ZNF251: variants seen among roughly 807,000 people sequenced by gnomAD.
The protein encoded by ZNF251 is zinc finger protein 251.
Under a neutral mutation model 13.5 loss-of-function variants are expected in ZNF251, and 14 were observed. That is an observed-to-expected ratio of 1.04 (90% CI 0.69 to 1.63). The LOEUF is 1.63. Among genes scored for constraint, ZNF251 ranks in the 40% most tolerant of loss-of-function variants. The pLI is 0.00. For synonymous variants in ZNF251, 287 were observed against 295.2 expected, an observed-to-expected ratio of 0.97 and a Z score of 0.28; for missense variants, 764 against 834.9, an observed-to-expected ratio of 0.92 and a Z score of 1.05.
chr8:144,754,530 C>G, intron 2 of ZNF251, 166 bp downstream of exon 2: 3 of 1,449,708 alleles, frequency 2.1e-6, no homozygotes, highest in Non-Finnish European at 2.7e-6. Context: ...CAGAGCCCCT[C>G]TCCCTGCAGG....
intron 4 of ZNF251, among the ~76,000 whole-genome samples, chr8:144,727,799 A>C (rs1823560537): frequency 6.6e-6 from 1 of 152,096 alleles, no homozygotes; most frequent in Admixed American, 6.6e-5. Flanking sequence ...ATTTCCTTCA[A>C]GAACTTTACT....
At chr8:144,744,832 G>A (rs1410019411) in intron 4 of ZNF251, among the ~76,000 whole-genome samples, 3 of 152,306 alleles carry the variant, frequency 2.0e-5, no homozygotes, top group South Asian at 4.1e-4. Context: ...GAGGCGGGCG[G>A]ATCACCTGAG....
chr8:144,736,454 A>T (rs1165429310), intron 4 of ZNF251, among the ~76,000 whole-genome samples: 2 of 143,724 alleles, frequency 1.4e-5, no homozygotes, highest in Non-Finnish European at 3.0e-5. Flanking sequence ...ACCTTCCTTT[A>T]TTTTATTTAT....
In ZNF251 at chr8:144,721,771, G is replaced by A. The variant is rs1823377263; in HGVS notation, c.1889C>T (p.Ala630Val). The A allele has an allele frequency of 6.9e-7, 1 of 1,449,242 alleles. No individual in the cohort carries two copies. The allele number at this position is 1,449,242 out of a possible 1,614,324, so 89.8% of individuals were successfully genotyped here. ...KPCHCSVYGK[A>V]FSQSSQLTPP... ...TGTGAGCTGTGAACTCTGGCTGAAG[G>A]CTTTCCCATACACACTGCAATGACA... The change falls in exon 5 of 5, where the codon GCC becomes GTC. Residue 630 changes from alanine (A) to valine (V), a missense_variant. Physicochemically the swap from Ala to Val is moderately conservative, Grantham distance 64. Coordinates refer to ENST00000292562, the MANE Select transcript of ZNF251 (RefSeq NM_138367.2).
At chr8:144,750,141 T>A (rs1824626810) in intron 4 of ZNF251, among the ~76,000 whole-genome samples, 5 of 152,194 alleles carry the variant, frequency 3.3e-5, no homozygotes, top group Admixed American at 2.6e-4. Context: ...ACTCCAACAC[T>A]CCTGCCACGA....
intron 4 of ZNF251, among the ~76,000 whole-genome samples, chr8:144,742,671 C>T (rs962047330): frequency 2.0e-5 from 3 of 152,186 alleles, no homozygotes; most frequent in African/African-American, 4.8e-5. Context: ...CCTCTGGCTT[C>T]ACCCTGCTTC....
chr8:144,724,980 T>G (rs1323656825), intron 4 of ZNF251, among the ~76,000 whole-genome samples: 1 of 152,032 alleles, frequency 6.6e-6, no homozygotes, highest in Non-Finnish European at 1.5e-5. Context: ...ACTCAAACAA[T>G]TATGTATCCA....
chr8:144,739,653 C>T (rs1353892108), intron 4 of ZNF251, among the ~76,000 whole-genome samples: 1 of 152,226 alleles, frequency 6.6e-6, no homozygotes, highest in Admixed American at 6.5e-5. Context: ...AATCCCAGCA[C>T]TTTGGGAGGC....
chr8:144,724,942 T>C (rs1291548022), intron 4 of ZNF251, among the ~76,000 whole-genome samples: 1 of 152,146 alleles, frequency 6.6e-6, no homozygotes, highest in African/African-American at 2.4e-5. Flanking sequence ...TGAGGAAGGG[T>C]TTTAAATTAT....
intron 4 of ZNF251, among the ~76,000 whole-genome samples, chr8:144,724,346 T>A (rs905610440): frequency 1.3e-5 from 2 of 151,982 alleles, no homozygotes; most frequent in Admixed American, 6.6e-5. Flanking sequence ...ATGACCTTTT[T>A]TTGAGATAGT....
chr8:144,726,406 G>A (rs536242973), intron 4 of ZNF251, among the ~76,000 whole-genome samples: 36 of 150,862 alleles, frequency 2.4e-4, no homozygotes, highest in Admixed American at 4.0e-4. Context: ...GTGTGGTGGC[G>A]CATACCTGTA....
chr8:144,749,352 G>A (rs1166988792), intron 4 of ZNF251, among the ~76,000 whole-genome samples: 2 of 151,490 alleles, frequency 1.3e-5, no homozygotes, highest in African/African-American at 2.4e-5. Flanking sequence ...AGGTGTGGTA[G>A]TACATGCCTG....
intron 4 of ZNF251, among the ~76,000 whole-genome samples, chr8:144,731,750 C>T (rs1357223843): frequency 6.6e-6 from 1 of 151,952 alleles, no homozygotes; most frequent in Non-Finnish European, 1.5e-5. Context: ...CCACGCCCTG[C>T]TGATTTTTTG....
chr8:144,740,027 T>C (rs1824084185), intron 4 of ZNF251, among the ~76,000 whole-genome samples: 1 of 152,128 alleles, frequency 6.6e-6, no homozygotes, highest in Non-Finnish European at 1.5e-5. Context: ...GGCTCACGCC[T>C]GTAATCCCAG....
At chr8:144,749,039 C>T (rs894400117) in intron 4 of ZNF251, among the ~76,000 whole-genome samples, 2 of 152,176 alleles carry the variant, frequency 1.3e-5, no homozygotes, top group African/African-American at 4.8e-5. Context: ...GTGACATGCA[C>T]CTGTAGTCCC....
intron 4 of ZNF251, among the ~76,000 whole-genome samples, chr8:144,745,155 T>C (rs774650994): frequency 5.3e-5 from 8 of 151,854 alleles, no homozygotes; most frequent in Non-Finnish European, 1.0e-4. Flanking sequence ...AAGACACATT[T>C]TAAGTTAATT....
intron 4 of ZNF251, among the ~76,000 whole-genome samples, chr8:144,725,139 G>A (rs950795091): frequency 2.0e-5 from 3 of 151,948 alleles, no homozygotes; most frequent in Admixed American, 6.6e-5. Context: ...TCAGCCTCCC[G>A]AGTAGCTGCG....
At position 144,748,118 on chromosome 8, in the gene ZNF251, G is replaced by T. The variant is rs1824516003; in HGVS notation, c.277+5565C>A. ...AGATGGAGTCTCACTCTGTCGCCCA[G>T]GCTGCAGTGCAATGGTGCAATCTTG... On this transcript the variant is annotated intron_variant, in intron 4 of 4. Coordinates refer to ENST00000292562, the MANE Select transcript of ZNF251 (RefSeq NM_138367.2). 2.6e-5 allele frequency among the ~76,000 whole-genome samples: 4 copies of T among 151,988 alleles called. No individual in the cohort carries two copies. In the South Asian group the frequency reaches 8.3e-4, roughly 32 times the overall value.
At chr8:144,741,496 G>C (rs1356270231) in intron 4 of ZNF251, among the ~76,000 whole-genome samples, 1 of 152,252 alleles carries the variant, frequency 6.6e-6, no homozygotes, top group East Asian at 1.9e-4. Context: ...AGAAAATAGA[G>C]CACGTTTTTG....
Sources: allele counts gnomAD v4.1 joint callset (sites outside exome capture counted in the v4.1 genomes callset), GRCh38; gene constraint gnomAD v4.1.1; transcripts MANE v1.5; gene names NCBI Gene and HGNC (gene_info 2026-07-23, HGNC 2026-07-21).